Variants in KMT5B observed in about 807,000 individuals in gnomAD.
The protein encoded by KMT5B is lysine methyltransferase 5B.
KMT5B carries 10 observed loss-of-function variants against 83.2 expected under a neutral mutation model. That is an observed-to-expected ratio of 0.12 (90% confidence interval 0.07 to 0.20). The LOEUF (loss-of-function observed/expected upper bound fraction) is 0.20. KMT5B is among the 10% of genes least tolerant of loss of function. The probability of loss-of-function intolerance (pLI) is 1.00; values close to 1 mark genes in which losing one functional copy is unlikely to be tolerated. For synonymous variants in KMT5B, 349 were observed against 388.8 expected (o/e 0.90, Z 1.20); for missense variants, 753 against 1,067.2 (o/e 0.71, Z 4.10).
intron 9 of KMT5B, among the ~76,000 whole-genome samples, chr11:68,168,626 C>T (rs1027628362): frequency 1.3e-5 from 2 of 152,182 alleles, no homozygotes; most frequent in African/African-American, 2.4e-5. Flanking sequence ...GTGAGTCACA[C>T]GTGCGTGGCC....
intron 1 of KMT5B, among the ~76,000 whole-genome samples, chr11:68,210,889 G>T (rs964977293): frequency 2.6e-5 from 4 of 152,174 alleles, no homozygotes; most frequent in African/African-American, 7.2e-5. Context: ...CCAATGGAGA[G>T]ATTTGCCAAT....
At chr11:68,189,292 G>C (rs1054595982) in intron 2 of KMT5B, among the ~76,000 whole-genome samples, 3 of 152,196 alleles carry the variant, frequency 2.0e-5, no homozygotes, top group African/African-American at 7.2e-5. Flanking sequence ...GAGGAACTAT[G>C]AAATACGCAC....
rs757554943 is a variant in KMT5B, at chr11:68,171,506, C to A, written c.820+37G>T. On this transcript the variant is annotated intron_variant, in intron 7 of 10. Transcript: ENST00000304363. The surrounding 1 kb of genome is among the most constrained non-coding windows in gnomAD (Gnocchi z 5.1). The stretch of plus-strand genomic sequence containing the variant: ...CCATTCTAGCAGTTAGCAGGAATGG[C>A]CAACACTAGCGCCAACACCTTGGAA... The A allele has an allele frequency of 5.0e-6, 8 of 1,600,078 alleles. No individual in the cohort carries two copies. The highest frequency in any genetic ancestry group is 6.8e-6 in the Non-Finnish European group (8 of 1,172,528).
intron 1 of KMT5B, among the ~76,000 whole-genome samples, chr11:68,191,537 T>C (rs1388075809): frequency 6.6e-6 from 1 of 152,038 alleles, no homozygotes; most frequent in Admixed American, 6.6e-5. Context: ...TTTTACCATG[T>C]TGGCTAGGCT....
chr11:68,206,515 G>A (rs1860133603), intron 1 of KMT5B, among the ~76,000 whole-genome samples: 1 of 152,190 alleles, frequency 6.6e-6, no homozygotes, highest in Admixed American at 6.5e-5. Flanking sequence ...CAGGGATTAA[G>A]GATGTGGCTC....
At position 68,157,653 on chromosome 11, in the gene KMT5B, AAGT is replaced by A; in HGVS notation, c.*32_*34del. The stretch of plus-strand genomic sequence containing the variant: ...TTGACTGGAATTTTTTATTTCTTTA[AAGT>A]AGTTATCCCAGGTCAAGTTAAGACC... On this transcript the variant is annotated 3_prime_UTR_variant, in exon 11 of 11. Transcript: ENST00000304363. The A allele has an allele frequency of 6.7e-7, 1 of 1,502,648 alleles. No homozygotes were observed. Among genetic ancestry groups the A allele is most frequent in the Non-Finnish European group, 8.9e-7 (1 of 1,129,248 alleles). The allele number at this position is 1,502,648 out of a possible 1,614,324, so 93.1% of individuals were successfully genotyped here. A position where few individuals can be genotyped will look rare whatever the true frequency, so the allele number is the denominator to read the frequency against.
chr11:68,166,897 T>C, intron 10 of KMT5B, 85 bp downstream of exon 10: 1 of 1,554,062 alleles, frequency 6.4e-7, no homozygotes, highest in East Asian at 2.3e-5. Context: ...TATTTAAAAG[T>C]TTAAAACTAC....
chr11:68,194,243 T>C, intron 1 of KMT5B, among the ~76,000 whole-genome samples: 1 of 146,514 alleles, frequency 6.8e-6, no homozygotes, highest in South Asian at 2.2e-4. Context: ...CAGGCTGGAG[T>C]GCAGTGTCCA....
In KMT5B at chr11:68,157,784, T is replaced by C. The variant is rs1415730872; in HGVS notation, c.2562A>G (p.Pro854=). The C allele has an allele frequency of 6.2e-7, 1 of 1,614,206 alleles. No homozygotes were observed. Among genetic ancestry groups the C allele is most frequent in the Non-Finnish European group, 8.5e-7 (1 of 1,180,026 alleles). Residue 854 remains proline, a synonymous_variant, in exon 11 of 11, where the codon CCA becomes CCG. Coordinates refer to ENST00000304363, the MANE Select transcript of KMT5B (RefSeq NM_017635.5). The stretch of plus-strand genomic sequence containing the variant: ...CAACTATTAACCTCAAGCGCTTAGC[T>C]GGAGGAAGAGGAATAAAATCGTCTT... ...DFEDDFIPLP[P]AKRLRLIVGK...
intron 3 of KMT5B, among the ~76,000 whole-genome samples, chr11:68,183,117 C>T (rs984802456): frequency 6.6e-6 from 1 of 151,858 alleles, no homozygotes; most frequent in East Asian, 1.9e-4. Context: ...TTCTTGATGA[C>T]CCCAGGTCAA....
At position 68,157,637 on chromosome 11, in the gene KMT5B, A is replaced by G. The variant is rs141519982; in HGVS notation, c.*51T>C. On this transcript the variant is annotated 3_prime_UTR_variant, in exon 11 of 11. Coordinates refer to ENST00000304363, the MANE Select transcript of KMT5B (RefSeq NM_017635.5). The stretch of plus-strand genomic sequence containing the variant: ...TTCAGTTGAGGAATAATTGACTGGA[A>G]TTTTTTATTTCTTTAAAGTAGTTAT... The G allele has an allele frequency of 4.2e-5, 62 of 1,492,420 alleles. 1 individual carries two copies. The African/African-American group carries it at 7.8e-4, about 19-fold the overall frequency. 92.4% of individuals were successfully genotyped at this position (1,492,420 alleles called of 1,614,324 possible). A position where few individuals can be genotyped will look rare whatever the true frequency, so the allele number is the denominator to read the frequency against.
At chr11:68,207,659 C>G (rs942952471) in intron 1 of KMT5B, among the ~76,000 whole-genome samples, 7 of 151,608 alleles carry the variant, frequency 4.6e-5, no homozygotes, top group African/African-American at 1.7e-4. Flanking sequence ...GGCATGGTGG[C>G]ACCTGCCCGT....
At chr11:68,174,071 A>C (rs1249446431) in intron 5 of KMT5B, 158 bp from the exon 6 acceptor site, 1 of 675,792 alleles carries the variant, frequency 1.5e-6, no homozygotes, top group Admixed American at 2.0e-5. Flanking sequence ...ACATTAGCCA[A>C]GCATGATGGC....
chr11:68,207,466 G>A (rs1489628523), intron 1 of KMT5B, among the ~76,000 whole-genome samples: 2 of 151,960 alleles, frequency 1.3e-5, no homozygotes, highest in Non-Finnish European at 2.9e-5. Context: ...TGAAGTCCAG[G>A]CTGAGAGACT....
intron 1 of KMT5B, chr11:68,212,546 GGAGGT>G (rs1186855004): frequency 1.3e-5 from 2 of 152,290 alleles, no homozygotes; most frequent in Non-Finnish European, 2.9e-5. Context: ...CTTCCAAGGC[GGAGGT>G]GACAACGGTG....
intron 2 of KMT5B, among the ~76,000 whole-genome samples, chr11:68,187,441 G>C (rs951004340): frequency 6.6e-6 from 1 of 151,984 alleles, no homozygotes; most frequent in African/African-American, 2.4e-5. Context: ...TTTCTTCTTT[G>C]ACCCACTGAT....
chr11:68,177,157 A>G (rs1490880752), intron 4 of KMT5B, among the ~76,000 whole-genome samples: 1 of 152,240 alleles, frequency 6.6e-6, no homozygotes, highest in African/African-American at 2.4e-5. Flanking sequence ...CTGTTCTTGA[A>G]TGGAAAATTT....
At chr11:68,167,454 TCC>T (rs1413696560) in intron 9 of KMT5B, among the ~76,000 whole-genome samples, 1 of 151,350 alleles carries the variant, frequency 6.6e-6, no homozygotes. Flanking sequence ...TAAAATTTTT[TCC>T]TTTTTTTTTT....
At chr11:68,184,457 T>C (rs1454224460) in intron 3 of KMT5B, among the ~76,000 whole-genome samples, 5 of 152,222 alleles carry the variant, frequency 3.3e-5, no homozygotes, top group Non-Finnish European at 7.3e-5. Context: ...CTGTAATTGA[T>C]AAGTGAGGCA....
Sources: allele counts gnomAD v4.1 joint callset (sites outside exome capture counted in the v4.1 genomes callset), GRCh38; gene constraint gnomAD v4.1.1; non-coding constraint Gnocchi (gnomAD v3.1); transcripts MANE v1.5; gene names NCBI Gene and HGNC (gene_info 2026-07-23, HGNC 2026-07-21).